Variants in SPAG16 observed in about 807,000 individuals in gnomAD.
SPAG16 encodes sperm-associated antigen 16 protein.
In SPAG16, 86 loss-of-function variants were observed where a neutral mutation model predicts 80.4. That is an observed-to-expected ratio of 1.07 (90% CI 0.90 to 1.28). SPAG16 has a LOEUF of 1.28. Ranked by LOEUF, SPAG16 falls within the 50% of genes most tolerant of loss-of-function variation. The probability of loss-of-function intolerance (pLI) is 0.00; values close to 1 mark genes in which losing one functional copy is unlikely to be tolerated. For synonymous variants in SPAG16, 294 were observed against 265.9 expected (o/e 1.11, Z -1.03); for missense variants, 870 against 765.3 (o/e 1.14, Z -1.61).
intron 10 of SPAG16, among the ~76,000 whole-genome samples, chr2:213,815,959 C>T (rs1005172423): frequency 1.3e-5 from 2 of 152,130 alleles, no homozygotes; most frequent in Admixed American, 6.5e-5. Context: ...AATTAGGCAG[C>T]TCACATACTC....
At chr2:213,303,850 G>A (rs1479997140) in intron 3 of SPAG16, among the ~76,000 whole-genome samples, 1 of 152,098 alleles carries the variant, frequency 6.6e-6, no homozygotes, top group East Asian at 1.9e-4. Context: ...CAATAGTGCA[G>A]ATATATTTTC....
intron 13 of SPAG16, among the ~76,000 whole-genome samples, chr2:214,076,203 G>A (rs962878857): frequency 6.6e-6 from 1 of 152,080 alleles, no homozygotes; most frequent in Admixed American, 6.5e-5. Context: ...GATTTTTGAG[G>A]TATATTTATC....
At chr2:213,634,705 G>A (rs926698571) in intron 10 of SPAG16, among the ~76,000 whole-genome samples, 5 of 152,036 alleles carry the variant, frequency 3.3e-5, no homozygotes, top group Non-Finnish European at 7.4e-5. Flanking sequence ...CCTATAACCC[G>A]AGCAGTGTAC....
At chr2:213,439,896 A>G (rs2070837638) in intron 9 of SPAG16, among the ~76,000 whole-genome samples, 1 of 152,236 alleles carries the variant, frequency 6.6e-6, no homozygotes, top group African/African-American at 2.4e-5. Flanking sequence ...GCCATTTACA[A>G]TTACAAAAAA....
chr2:213,572,947 G>T (rs1004283895), intron 10 of SPAG16, among the ~76,000 whole-genome samples: 2 of 152,206 alleles, frequency 1.3e-5, no homozygotes, highest in African/African-American at 4.8e-5. Flanking sequence ...ATGGTTCGCC[G>T]CTTTTTAAGC....
Position 214,077,419 on chromosome 2 carries a change from G to A in SPAG16, c.1528-30777G>A, listed in dbSNP as rs193203665. The stretch of plus-strand genomic sequence containing the variant: ...GTTTTATGTCTCATCTATGCAAGAG[G>A]CCAACTCAAAACAAAAGTAGAGTTA... On this transcript the variant is annotated intron_variant, in intron 13 of 15. Coordinates refer to ENST00000331683, the MANE Select transcript of SPAG16 (RefSeq NM_024532.5). 1.9e-3 allele frequency among the ~76,000 whole-genome samples: 291 copies of A among 152,292 alleles called. 2 individuals carry two copies. The highest frequency in any genetic ancestry group is 2.0e-3 in the Non-Finnish European group (135 of 68,028).
chr2:214,129,756 TA>T (rs1406141821), intron 14 of SPAG16, among the ~76,000 whole-genome samples: 1 of 152,188 alleles, frequency 6.6e-6, no homozygotes, highest in Non-Finnish European at 1.5e-5. Flanking sequence ...GGACAACTTT[TA>T]TATTATCTTT....
intron 12 of SPAG16, among the ~76,000 whole-genome samples, chr2:213,962,254 C>T (rs899121717): frequency 1.3e-4 from 20 of 149,516 alleles, no homozygotes; most frequent in African/African-American, 4.5e-4. Flanking sequence ...AGTGCAGTGG[C>T]GTGATCTCGG....
chr2:213,416,526 T>C (rs1348600999), intron 9 of SPAG16, among the ~76,000 whole-genome samples: 1 of 151,722 alleles, frequency 6.6e-6, no homozygotes, highest in Non-Finnish European at 1.5e-5. Flanking sequence ...CTTGATGTTT[T>C]AGGCAGCATT....
intron 11 of SPAG16, among the ~76,000 whole-genome samples, chr2:213,924,531 A>T (rs1448389644): frequency 6.6e-6 from 1 of 152,096 alleles, no homozygotes; most frequent in Non-Finnish European, 1.5e-5. Flanking sequence ...CTAGCCTTTT[A>T]GTTCCTCTCT....
intron 9 of SPAG16, among the ~76,000 whole-genome samples, chr2:213,459,073 T>G (rs1445719892): frequency 6.6e-6 from 1 of 152,190 alleles, no homozygotes; most frequent in African/African-American, 2.4e-5. Context: ...TTCTCCCCTT[T>G]TTTTACTTTG....
chr2:213,550,462 A>C (rs2076747591), intron 10 of SPAG16, among the ~76,000 whole-genome samples: 1 of 152,176 alleles, frequency 6.6e-6, no homozygotes, highest in African/African-American at 2.4e-5. Context: ...TTGGGAAAAC[A>C]TGCTGCTGGT....
intron 10 of SPAG16, among the ~76,000 whole-genome samples, chr2:213,742,859 G>C (rs932669684): frequency 6.6e-6 from 1 of 151,828 alleles, no homozygotes; most frequent in Non-Finnish European, 1.5e-5. Flanking sequence ...CACCGTGCTC[G>C]GCTGCTTATT....
At chr2:214,142,776 G>A (rs1242070456) in intron 14 of SPAG16, among the ~76,000 whole-genome samples, 2 of 152,112 alleles carry the variant, frequency 1.3e-5, no homozygotes, top group Admixed American at 6.5e-5. Context: ...ACATTAGCCG[G>A]CAACTTTTGT....
intron 13 of SPAG16, among the ~76,000 whole-genome samples, chr2:214,030,099 T>G (rs571494659): frequency 3.3e-5 from 5 of 152,280 alleles, no homozygotes; most frequent in Non-Finnish European, 7.4e-5. Flanking sequence ...TCTTACATAA[T>G]GGAAACTTTA....
At chr2:213,491,010 A>G (rs759298621) in intron 10 of SPAG16, among the ~76,000 whole-genome samples, 3 of 152,122 alleles carry the variant, frequency 2.0e-5, no homozygotes, top group East Asian at 1.9e-4. Context: ...GGCATGTGCA[A>G]TCTACTTCCT....
chr2:213,777,891 T>G lies in SPAG16; in HGVS notation c.1071-84594T>G, dbSNP rs550923094. Among the ~76,000 whole-genome samples the G allele has an allele frequency of 2.0e-5, 3 of 152,110 alleles. No individual in the cohort carries two copies. In the South Asian group the frequency reaches 6.2e-4, roughly 32 times the overall value. ...GTGCCTAATTCAATTGCACTCCAAGTTTTTTTTACAGGCAATCCAATTATA... is the reference window on the plus strand; with the variant it reads ...GTGCCTAATTCAATTGCACTCCAAGGTTTTTTTACAGGCAATCCAATTATA... On this transcript the variant is annotated intron_variant, in intron 10 of 15. Transcript: ENST00000331683.
At chr2:213,453,568 A>G (rs1480781937) in intron 9 of SPAG16, among the ~76,000 whole-genome samples, 1 of 152,228 alleles carries the variant, frequency 6.6e-6, no homozygotes, top group African/African-American at 2.4e-5. Flanking sequence ...TCTGAGGTGC[A>G]TATAAAAATG....
intron 10 of SPAG16, among the ~76,000 whole-genome samples, chr2:213,533,185 A>C (rs1057366322): frequency 1.2e-4 from 19 of 152,142 alleles, no homozygotes; most frequent in African/African-American, 4.6e-4. Flanking sequence ...AATGTCCCCT[A>C]TTTTTCATAT....
Sources: gnomAD v4.1 joint callset for allele counts (sites outside exome capture counted in the v4.1 genomes callset) on GRCh38, gnomAD v4.1.1 for gene constraint, MANE v1.5 for transcripts, NCBI Gene and HGNC (gene_info 2026-07-23, HGNC 2026-07-21) for gene names.